Variants in ERC2 observed in about 807,000 individuals in gnomAD.
ERC2 encodes ELKS/RAB6-interacting/CAST family member 2.
ERC2 carries 42 observed loss-of-function variants against 114.8 expected under a neutral mutation model. The observed-to-expected ratio is 0.37, with a 90% CI of 0.29 to 0.47. The LOEUF (loss-of-function observed/expected upper bound fraction) is 0.47, where lower values mean the gene tolerates loss of function less well. ERC2 is among the 20% of genes least tolerant of loss of function. The pLI is 0.99. For missense variants in ERC2, 939 were observed against 1,150.7 expected (o/e 0.82, Z 2.66); for synonymous variants, 454 against 425.5 (o/e 1.07, Z -0.82).
intron 3 of ERC2, among the ~76,000 whole-genome samples, chr3:56,287,506 A>C (rs2054799175): frequency 6.6e-6 from 1 of 152,180 alleles, no homozygotes; most frequent in South Asian, 2.1e-4. Context: ...GGCACTGTTT[A>C]ATCTTCCCGC....
chr3:56,363,751 C>A (rs1288067440), intron 2 of ERC2, among the ~76,000 whole-genome samples: 1 of 145,758 alleles, frequency 6.9e-6, no homozygotes, highest in Admixed American at 6.9e-5. Context: ...AGTGCTCTTT[C>A]CAAAACAAAA....
chr3:56,311,590 C>T (rs115317046), intron 2 of ERC2, among the ~76,000 whole-genome samples: 2,079 of 151,846 alleles, frequency 0.014, 16 homozygotes, highest in South Asian at 0.023. Flanking sequence ...TGAGCCACAG[C>T]GCCTGGCCAA....
intron 17 of ERC2, among the ~76,000 whole-genome samples, chr3:55,671,229 A>G (rs1194248000): frequency 1.3e-5 from 2 of 152,222 alleles, no homozygotes; most frequent in Non-Finnish European, 2.9e-5. Flanking sequence ...ATAAAGTGAC[A>G]TGTTATCCCC....
At chr3:56,075,436 T>C (rs1472120748) in intron 7 of ERC2, among the ~76,000 whole-genome samples, 1 of 152,210 alleles carries the variant, frequency 6.6e-6, no homozygotes, top group African/African-American at 2.4e-5. Context: ...TGGTTCTTGA[T>C]CATCCCCAAT....
At chr3:56,196,253 C>T (rs920726177) in intron 3 of ERC2, among the ~76,000 whole-genome samples, 4 of 152,116 alleles carry the variant, frequency 2.6e-5, no homozygotes, top group African/African-American at 9.7e-5. Context: ...ACTACGTGCT[C>T]ATTAGACAAA....
At chr3:55,567,739 G>C (rs930133235) in intron 17 of ERC2, among the ~76,000 whole-genome samples, 9 of 152,096 alleles carry the variant, frequency 5.9e-5, no homozygotes, top group Non-Finnish European at 5.9e-5. Context: ...ATTTCCCAGT[G>C]GCCAATGGAA....
At chr3:56,273,089 A>G (rs1471394866) in intron 3 of ERC2, among the ~76,000 whole-genome samples, 2 of 152,174 alleles carry the variant, frequency 1.3e-5, no homozygotes, top group Admixed American at 1.3e-4. Context: ...GACCTGTGTC[A>G]GCAAACCTCT....
chr3:56,075,959 C>T (rs1238899412), intron 7 of ERC2, among the ~76,000 whole-genome samples: 1 of 152,066 alleles, frequency 6.6e-6, no homozygotes, highest in East Asian at 1.9e-4. Context: ...TCAGTAATCC[C>T]ACAGTGTCCT....
At chr3:55,909,006 C>T (rs2064638119) in intron 13 of ERC2, among the ~76,000 whole-genome samples, 1 of 152,220 alleles carries the variant, frequency 6.6e-6, no homozygotes, top group South Asian at 2.1e-4. Context: ...CTCTGGCCCA[C>T]TTACCGGACA....
chr3:56,031,723 C>A (rs1459171366), intron 7 of ERC2, among the ~76,000 whole-genome samples: 3 of 152,128 alleles, frequency 2.0e-5, no homozygotes, highest in Admixed American at 6.5e-5. Context: ...CAGTAAGCTA[C>A]AAGAAAACAC....
intron 2 of ERC2, among the ~76,000 whole-genome samples, chr3:56,371,334 T>C (rs2059356060): frequency 6.6e-6 from 1 of 152,206 alleles, no homozygotes; most frequent in South Asian, 2.1e-4. Flanking sequence ...AATACTGCAC[T>C]TTTAATTAGC....
At chr3:55,822,699 G>A (rs1470567028) in intron 14 of ERC2, among the ~76,000 whole-genome samples, 1 of 150,154 alleles carries the variant, frequency 6.7e-6, no homozygotes, top group Non-Finnish European at 1.5e-5. Context: ...CCGAGTAGCT[G>A]GGACTACAGG....
chr3:56,446,966 G>A (rs1455593007), intron 1 of ERC2, among the ~76,000 whole-genome samples: 1 of 152,134 alleles, frequency 6.6e-6, no homozygotes, highest in Non-Finnish European at 1.5e-5. Context: ...GCAAGCAACT[G>A]GAAAGAGCTT....
At chr3:56,030,374 T>C (rs2074304413) in intron 7 of ERC2, among the ~76,000 whole-genome samples, 1 of 152,214 alleles carries the variant, frequency 6.6e-6, no homozygotes, top group Admixed American at 6.5e-5. Context: ...TAGTTTCCTA[T>C]ATTTAATTTC....
chr3:56,015,075 C>T (rs909816168), intron 8 of ERC2, among the ~76,000 whole-genome samples: 1 of 152,110 alleles, frequency 6.6e-6, no homozygotes, highest in Non-Finnish European at 1.5e-5. Context: ...TAACCAGCAA[C>T]TGTTTCTCCT....
chr3:56,256,926 T>G (rs1418703786), intron 3 of ERC2, among the ~76,000 whole-genome samples: 1 of 152,194 alleles, frequency 6.6e-6, no homozygotes, highest in East Asian at 1.9e-4. Flanking sequence ...ACCTCTTTCC[T>G]TTATAAATTA....
intron 1 of ERC2, among the ~76,000 whole-genome samples, chr3:56,441,679 A>T (rs1367979762): frequency 6.6e-6 from 1 of 152,094 alleles, no homozygotes; most frequent in Non-Finnish European, 1.5e-5. Context: ...ATCTCGGCTC[A>T]CTGCAACCTC....
intron 15 of ERC2, among the ~76,000 whole-genome samples, chr3:55,733,151 G>C (rs1262611031): frequency 1.3e-5 from 2 of 152,342 alleles, no homozygotes; most frequent in Admixed American, 6.5e-5. Flanking sequence ...AGGTGCAGGA[G>C]AGGAGGGTGC....
intron 2 of ERC2, among the ~76,000 whole-genome samples, chr3:56,404,894 T>C (rs979780341): frequency 2.0e-5 from 3 of 152,184 alleles, no homozygotes; most frequent in African/African-American, 7.2e-5. Flanking sequence ...ACCCAATTTC[T>C]GGCTGGGATA....
Sources: allele counts gnomAD v4.1 joint callset (sites outside exome capture counted in the v4.1 genomes callset), GRCh38; gene constraint gnomAD v4.1.1; transcripts MANE v1.5; gene names NCBI Gene and HGNC (gene_info 2026-07-23, HGNC 2026-07-21).